KDELR2: variants seen among roughly 807,000 people sequenced by gnomAD.
KDELR2 encodes KDEL endoplasmic reticulum protein retention receptor 2.
In KDELR2, 15 loss-of-function variants were observed where a neutral mutation model predicts 23.9. That is an observed-to-expected ratio of 0.63 (90% confidence interval 0.42 to 0.97). The LOEUF is 0.97. Ranked by LOEUF, KDELR2 falls within the 50% of genes least tolerant of loss-of-function variation. The probability of loss-of-function intolerance (pLI) is 0.00; values close to 1 mark genes in which losing one functional copy is unlikely to be tolerated. For synonymous variants in KDELR2, 119 were observed against 106.2 expected, an observed-to-expected ratio of 1.12 and a Z score of -0.74; for missense variants, 272 against 254.6, an observed-to-expected ratio of 1.07 and a Z score of -0.46.
At chr7:6,470,652 T>C (rs1785612078) in intron 2 of KDELR2, among the ~76,000 whole-genome samples, 1 of 152,206 alleles carries the variant, frequency 6.6e-6, no homozygotes, top group South Asian at 2.1e-4. Flanking sequence ...GCTATATTTG[T>C]TATTGTTTGT....
rs765970118 is a variant in KDELR2, at chr7:6,469,686, A to G, written c.261T>C (p.Asp87=). 2 of 1,614,120 alleles carry G rather than the reference A, an allele frequency of 1.2e-6. No individual in the cohort carries two copies. The highest frequency in any genetic ancestry group is 2.2e-5 in the South Asian group (2 of 91,086). The change falls in exon 3 of 5, where the codon GAT becomes GAC. Residue 87 remains aspartate, a synonymous_variant. Transcript: ENST00000258739. Reference sequence around the variant, plus strand: ...CCACTCGGAAGGTATCATGATTTCCATCGTAGGTTGCCTTAAATTTCAGGT... The same window carrying G: ...CCACTCGGAAGGTATCATGATTTCCGTCGTAGGTTGCCTTAAATTTCAGGT... The part of the protein sequence containing the change: ...LIYLKFKATY[D]GNHDTFRVEF...
rs763295489 is a variant in KDELR2 at position 6,469,586 on chromosome 7, T to C, written c.351+10A>G. 19 of 1,612,532 alleles carry C rather than the reference T, an allele frequency of 1.2e-5. No individual in the cohort carries two copies. The highest frequency in any genetic ancestry group is 3.4e-5 in the Admixed American group (2 of 59,662). ...ACCATGCCTGGCCCTAAGTAACCTT[T>C]TAAACTAACCTCAAGAGGAGAGAAA... is the stretch of plus-strand genomic sequence containing the variant. On this transcript the variant is annotated intron_variant, in intron 3 of 4. Transcript: ENST00000258739.
intron 3 of KDELR2, among the ~76,000 whole-genome samples, chr7:6,469,319 G>C (rs545070866): frequency 6.6e-6 from 1 of 151,860 alleles, no homozygotes; most frequent in South Asian, 2.1e-4. Flanking sequence ...ACAATGGCGT[G>C]ATCTCGGCTC....
chr7:6,467,246 G>C (rs1004848983), intron 3 of KDELR2, among the ~76,000 whole-genome samples: 3 of 152,154 alleles, frequency 2.0e-5, no homozygotes, highest in African/African-American at 7.2e-5. Flanking sequence ...ACTGATAATT[G>C]ATAAGCTCCT....
chr7:6,463,321 A>C, intron 4 of KDELR2, 146 bp from the exon 5 acceptor site: 1 of 650,004 alleles, frequency 1.5e-6, no homozygotes, highest in Non-Finnish European at 2.6e-6. Context: ...TTAAAAATAC[A>C]AATTTGATTG....
rs181455020 is a variant in KDELR2, at chr7:6,477,255, G to A, written c.92-2971C>T. 2.2e-3 allele frequency among the ~76,000 whole-genome samples: 333 copies of A among 152,334 alleles called. 4 individuals are homozygous for A. The highest frequency in any genetic ancestry group is 7.3e-3 in the African/African-American group (302 of 41,576). On this transcript the variant is annotated intron_variant, in intron 1 of 4. Transcript: ENST00000258739. The stretch of plus-strand genomic sequence containing the variant: ...TTGCTGGAAATCTGCGGATGCTAAC[G>A]TGGTCCCACACTGTTCTTCCCCAGC...
rs1785423710 is a variant in KDELR2, at chr7:6,463,125, T to C, written c.*16A>G. The C allele has an allele frequency of 3.1e-6, 5 of 1,614,028 alleles. No homozygotes were observed. Among genetic ancestry groups the C allele is most frequent in the Non-Finnish European group, 4.2e-6 (5 of 1,180,040 alleles). On this transcript the variant is annotated 3_prime_UTR_variant, in exon 5 of 5. Coordinates refer to ENST00000258739, the MANE Select transcript of KDELR2 (RefSeq NM_006854.4). ...GAGCACCCTGAAGGACAGATGCTGGTGATGGTCTTTGGCACTTATGCTGGC... is the reference window on the plus strand; with the variant it reads ...GAGCACCCTGAAGGACAGATGCTGGCGATGGTCTTTGGCACTTATGCTGGC...
rs368643219 is a variant in KDELR2 at position 6,469,779 on chromosome 7, G to A, written c.193-25C>T. On this transcript the variant is annotated intron_variant, in intron 2 of 4. Coordinates refer to ENST00000258739, the MANE Select transcript of KDELR2 (RefSeq NM_006854.4). ...CCTACAAATAAAAGAAAAAACACCA[G>A]GTGTCAATACCTTGCCACTGTTCCA... 6.8e-5 allele frequency: 109 copies of A among 1,593,072 alleles called. 1 individual carries two copies. In the African/African-American group the frequency reaches 1.2e-3, roughly 17 times the overall value.
In KDELR2 at chr7:6,474,296, G is replaced by C. The variant is rs746343448; in HGVS notation, c.92-12C>G. ...TTTCCCAGAAATACCTAGAGAAACA[G>C]AAGGGAAGTATTAGAAGGGCCTGAA... On this transcript the variant is annotated splice_polypyrimidine_tract_variant and intron_variant, in intron 1 of 4. Coordinates refer to ENST00000258739, the MANE Select transcript of KDELR2 (RefSeq NM_006854.4). 3 of 1,578,308 alleles carry C rather than the reference G, an allele frequency of 1.9e-6. No individual in the cohort carries two copies. The highest frequency in any genetic ancestry group is 1.7e-5 in the Admixed American group (1 of 59,942).
Position 6,473,082 on chromosome 7 carries a change from A to ATTTTTT in KDELR2, c.192+1096_192+1101dup, listed in dbSNP as rs1206035683. On this transcript the variant is annotated intron_variant, in intron 2 of 4. Transcript: ENST00000258739. ...GCCACCATGCCTGGCTAATTTTTGT[A>ATTTTTT]TTTTTTTTTTTTTTTTTTTTTTAGA... 6.3e-5 allele frequency among the ~76,000 whole-genome samples: 6 copies of ATTTTTT among 94,888 alleles called. 1 individual carries two copies. The highest frequency in any genetic ancestry group is 3.1e-4 in the East Asian group (1 of 3,184). 62.3% of individuals were successfully genotyped at this position (94,888 alleles called of 152,430 possible). A position where few individuals can be genotyped will look rare whatever the true frequency, so the allele number is the denominator to read the frequency against.
intron 2 of KDELR2, among the ~76,000 whole-genome samples, chr7:6,472,897 CTTT>C (rs35369447): frequency 1.8e-4 from 20 of 111,198 alleles, no homozygotes; most frequent in Non-Finnish European, 3.1e-4. Context: ...AGCCCCTGTT[CTTT>C]TTTTTTTTTT....
In KDELR2 at chr7:6,462,825, T is replaced by A; in HGVS notation, c.*316A>T. ...GAATTTTTTAAAATAAAAAAAAAAT[T>A]TGCACTTATTCCTCACAAAATCTTC... On this transcript the variant is annotated 3_prime_UTR_variant, in exon 5 of 5. Coordinates refer to ENST00000258739, the MANE Select transcript of KDELR2 (RefSeq NM_006854.4). The A allele has an allele frequency of 1.5e-6, 1 of 653,126 alleles. No individual in the cohort carries two copies. The highest frequency in any genetic ancestry group is 2.4e-6 in the Non-Finnish European group (1 of 411,584). 40.5% of individuals were successfully genotyped at this position (653,126 alleles called of 1,614,324 possible).
chr7:6,480,906 T>C (rs1785873846), intron 1 of KDELR2, among the ~76,000 whole-genome samples: 1 of 152,184 alleles, frequency 6.6e-6, no homozygotes, highest in African/African-American at 2.4e-5. Flanking sequence ...AGGACAGAAA[T>C]CATCCTAAGT....
intron 4 of KDELR2, among the ~76,000 whole-genome samples, chr7:6,465,091 A>ATT (rs56028621): frequency 0.37 from 55,735 of 150,892 alleles, 11,362 homozygotes; most frequent in Non-Finnish European, 0.47. Context: ...GTATAGCTGG[A>ATT]TTTTTAGCCT....
intron 4 of KDELR2, among the ~76,000 whole-genome samples, chr7:6,464,734 CTT>C (rs201529691): frequency 0.042 from 4,625 of 111,160 alleles, 229 homozygotes; most frequent in African/African-American, 0.14. Flanking sequence ...TCTTTTTTTT[CTT>C]TTTTTTTTTT....
chr7:6,469,450 T>A (rs1238953896), intron 3 of KDELR2, 146 bp downstream of exon 3: 1 of 670,376 alleles, frequency 1.5e-6, no homozygotes, highest in Non-Finnish European at 2.6e-6. Context: ...AGAGACGGTG[T>A]TGCACCATGT....
chr7:6,463,951 C>G (rs1216453640), intron 4 of KDELR2, among the ~76,000 whole-genome samples: 1 of 122,822 alleles, frequency 8.1e-6, no homozygotes, highest in Non-Finnish European at 2.0e-5. Flanking sequence ...AATCCCAGCA[C>G]TTGGGGAGGC....
intron 1 of KDELR2, among the ~76,000 whole-genome samples, chr7:6,477,794 T>C (rs1322941603): frequency 2.6e-5 from 4 of 152,156 alleles, no homozygotes; most frequent in Non-Finnish European, 5.9e-5. Flanking sequence ...TATTACAAAA[T>C]AGTTAGAAGT....
Position 6,461,338 on chromosome 7 carries a change from T to C in KDELR2, c.*1803A>G, listed in dbSNP as rs1044290350. On this transcript the variant is annotated 3_prime_UTR_variant, in exon 5 of 5. Coordinates refer to ENST00000258739, the MANE Select transcript of KDELR2 (RefSeq NM_006854.4). The stretch of plus-strand genomic sequence containing the variant: ...TACACAGAGCTTCCAGACCTTTCCA[T>C]GCGTTGTGCTCTCCAGAGGATGCGC... 2 of 152,006 alleles carry C rather than the reference T, an allele frequency of 1.3e-5. No individual in the cohort carries two copies. The highest frequency in any genetic ancestry group is 6.6e-5 in the Admixed American group (1 of 15,246). 9.4% of individuals were successfully genotyped at this position (152,006 alleles called of 1,614,324 possible). A position where few individuals can be genotyped will look rare whatever the true frequency, so the allele number is the denominator to read the frequency against.
Sources: allele counts gnomAD v4.1 joint callset (sites outside exome capture counted in the v4.1 genomes callset), GRCh38; gene constraint gnomAD v4.1.1; transcripts MANE v1.5; gene names NCBI Gene and HGNC (gene_info 2026-07-23, HGNC 2026-07-21).